Variants in TMEM132B observed in about 807,000 individuals in gnomAD.
TMEM132B encodes the protein transmembrane protein 132B.
In TMEM132B, 18 loss-of-function variants were observed where a neutral mutation model predicts 90.8. The ratio of observed to expected loss-of-function variants is 0.20; its 90% CI spans 0.14 to 0.29. TMEM132B has a LOEUF of 0.29. Among genes scored for constraint, TMEM132B ranks in the 10% least tolerant of loss-of-function variants. TMEM132B has a pLI of 1.00. For missense variants in TMEM132B, 1,096 were observed against 1,326.8 expected (o/e 0.83, Z 2.70); for synonymous variants, 504 against 523.3 (o/e 0.96, Z 0.50).
chr12:125,625,643 G>A (rs1886216321), intron 5 of TMEM132B, among the ~76,000 whole-genome samples: 1 of 152,144 alleles, frequency 6.6e-6, no homozygotes, highest in Non-Finnish European at 1.5e-5. Context: ...GAATTTTTGT[G>A]CAAACGTGTT....
chr12:125,294,663 C>A (rs890266299), intron 1 of TMEM132B, among the ~76,000 whole-genome samples: 1 of 152,194 alleles, frequency 6.6e-6, no homozygotes, highest in African/African-American at 2.4e-5. Context: ...ACCATACAAA[C>A]GTGGAAATTG....
intron 1 of TMEM132B, among the ~76,000 whole-genome samples, chr12:125,247,445 TG>T (rs1874229157): frequency 2.0e-5 from 3 of 152,168 alleles, no homozygotes; most frequent in African/African-American, 7.2e-5. Context: ...CCATCTTTGA[TG>T]CCCCTGCCAG....
rs1288975420 is a variant in TMEM132B, at chr12:125,246,458, GC to G, written c.67+59594del. Among the ~76,000 whole-genome samples the G allele has an allele frequency of 6.6e-6, 1 of 152,322 alleles. No individual in the cohort carries two copies. Among genetic ancestry groups the G allele is most frequent in the African/African-American group, 2.4e-5 (1 of 41,580 alleles). ...ATTAACATGCTGTCCCCACTCAGAT[GC>G]CTTGTTTCGAAACAGCGTGCCGGTG... is the stretch of plus-strand genomic sequence containing the variant. On this transcript the variant is annotated intron_variant, in intron 1 of 8. Transcript: ENST00000682704. This position sits in a 1 kb window ranked among gnomAD's most constrained non-coding sequence, Gnocchi z 4.2.
rs1461944765 is a variant in TMEM132B at position 125,246,472 on chromosome 12, C to G, written c.67+59606C>G. On this transcript the variant is annotated intron_variant, in intron 1 of 8. Transcript: ENST00000682704. The surrounding 1 kb of genome is among the most constrained non-coding windows in gnomAD (Gnocchi z 4.2). ...CCCACTCAGATGCCTTGTTTCGAAACAGCGTGCCGGTGTTATGATTGTGAT... is the reference window on the plus strand; with the variant it reads ...CCCACTCAGATGCCTTGTTTCGAAAGAGCGTGCCGGTGTTATGATTGTGAT... Among the ~76,000 whole-genome samples, 3 of 152,350 alleles carry G rather than the reference C, an allele frequency of 2.0e-5. No individual in the cohort carries two copies. Among genetic ancestry groups the G allele is most frequent in the East Asian group, 1.9e-4 (1 of 5,186 alleles).
At position 125,407,581 on chromosome 12, in the gene TMEM132B, A is replaced by G. The variant is rs1007818792; in HGVS notation, c.960-7950A>G. ...CAGTTGTCTTTCTTTTGACTTATCTACAGCAGCTAGAATGTCTCTCTCCCT... is the reference window on the plus strand; with the variant it reads ...CAGTTGTCTTTCTTTTGACTTATCTGCAGCAGCTAGAATGTCTCTCTCCCT... On this transcript the variant is annotated intron_variant, in intron 2 of 8. Coordinates refer to ENST00000682704, the MANE Select transcript of TMEM132B (RefSeq NM_001366854.1). The surrounding 1 kb of genome is among the most constrained non-coding windows in gnomAD (Gnocchi z 6.7). Among the ~76,000 whole-genome samples the G allele has an allele frequency of 6.6e-6, 1 of 152,160 alleles. No homozygotes were observed. The highest frequency in any genetic ancestry group is 2.4e-5 in the African/African-American group (1 of 41,428).
intron 1 of TMEM132B, among the ~76,000 whole-genome samples, chr12:125,259,774 T>C (rs1874519342): frequency 6.6e-6 from 1 of 152,168 alleles, no homozygotes; most frequent in Non-Finnish European, 1.5e-5. Flanking sequence ...GACTTAATGC[T>C]GCGGTTAAGG....
chr12:125,299,685 C>A (rs1565996359), intron 1 of TMEM132B, among the ~76,000 whole-genome samples: 1 of 152,224 alleles, frequency 6.6e-6, no homozygotes, highest in Non-Finnish European at 1.5e-5. Flanking sequence ...CTTTTCCAGA[C>A]GCATGTCACC....
At position 125,474,086 on chromosome 12, in the gene TMEM132B, CTT is replaced by C. The variant is rs138060559; in HGVS notation, c.1107-45351_1107-45350del. Reference sequence around the variant, plus strand: ...CTTTCCTTTCCTTTCCTTTCCTTTCCTTTCCTTTCCTTCCTTTCTTCCGTCTT... The same window carrying C: ...CTTTCCTTTCCTTTCCTTTCCTTTCCTCCTTTCCTTCCTTTCTTCCGTCTT... On this transcript the variant is annotated intron_variant, in intron 3 of 8. Transcript: ENST00000682704. 3.0e-4 allele frequency among the ~76,000 whole-genome samples: 35 copies of C among 116,382 alleles called. 1 individual carries two copies. The highest frequency in any genetic ancestry group is 1.3e-3 in the African/African-American group (34 of 27,112). 76.4% of individuals were successfully genotyped at this position (116,382 alleles called of 152,430 possible).
intron 4 of TMEM132B, among the ~76,000 whole-genome samples, chr12:125,523,591 G>C (rs927026135): frequency 4.6e-5 from 7 of 152,180 alleles, no homozygotes; most frequent in Admixed American, 2.6e-4. Flanking sequence ...GACATCTCTG[G>C]AGGGGGCTGT....
At chr12:125,328,552 G>A (rs1876662066) in intron 1 of TMEM132B, among the ~76,000 whole-genome samples, 1 of 152,128 alleles carries the variant, frequency 6.6e-6, no homozygotes, top group Non-Finnish European at 1.5e-5. Context: ...GCTTCTGGTG[G>A]CTCCAGGCAT....
chr12:125,361,664 A>G (rs1167541558), intron 2 of TMEM132B, among the ~76,000 whole-genome samples: 1 of 152,182 alleles, frequency 6.6e-6, no homozygotes, highest in Non-Finnish European at 1.5e-5. Context: ...TCCCAAGCTA[A>G]CTGTCACCTG....
chr12:125,209,363 C>T lies in TMEM132B; in HGVS notation c.67+22497C>T, dbSNP rs904772405. On this transcript the variant is annotated intron_variant, in intron 1 of 8. Coordinates refer to ENST00000682704, the MANE Select transcript of TMEM132B (RefSeq NM_001366854.1). The surrounding 1 kb of genome is among the most constrained non-coding windows in gnomAD (Gnocchi z 4.4). Reference sequence around the variant, plus strand: ...CAGTGGGCTTGCTGTGTACCTTTGTCCCAGCCTGGGACAGCAGACGCTAGC... The same window carrying T: ...CAGTGGGCTTGCTGTGTACCTTTGTTCCAGCCTGGGACAGCAGACGCTAGC... Among the ~76,000 whole-genome samples, 1 of 152,182 alleles carries T rather than the reference C, an allele frequency of 6.6e-6. No homozygotes were observed. The highest frequency in any genetic ancestry group is 6.5e-5 in the Admixed American group (1 of 15,286).
chr12:125,281,256 C>CG, intron 1 of TMEM132B, among the ~76,000 whole-genome samples: 1 of 152,042 alleles, frequency 6.6e-6, no homozygotes, highest in Admixed American at 6.5e-5. Context: ...CAGGGAAGCC[C>CG]GGGGACTGGG....
chr12:125,207,135 T>A (rs1303926058), intron 1 of TMEM132B, among the ~76,000 whole-genome samples: 1 of 152,258 alleles, frequency 6.6e-6, no homozygotes, highest in Non-Finnish European at 1.5e-5. Flanking sequence ...TTAATAACTT[T>A]TGAGCCAATA....
At chr12:125,215,272 C>T (rs1291015307) in intron 1 of TMEM132B, among the ~76,000 whole-genome samples, 1 of 152,210 alleles carries the variant, frequency 6.6e-6, no homozygotes, top group Non-Finnish European at 1.5e-5. Flanking sequence ...TCAAATGACA[C>T]AAATTTATTA....
At chr12:125,619,195 C>T (rs755470207) in intron 5 of TMEM132B, among the ~76,000 whole-genome samples, 1 of 152,110 alleles carries the variant, frequency 6.6e-6, no homozygotes, top group Non-Finnish European at 1.5e-5. Context: ...GATTGGTACT[C>T]GGAATCTCTG....
At position 125,654,236 on chromosome 12, in the gene TMEM132B, G is replaced by A. The variant is rs374603554; in HGVS notation, c.2778G>A (p.Ala926=). Residue 926 remains alanine (A), a synonymous_variant, in exon 9 of 9, where the codon GCG becomes GCA. Coordinates refer to ENST00000682704, the MANE Select transcript of TMEM132B (RefSeq NM_001366854.1). This position sits in a 1 kb window ranked among gnomAD's most constrained non-coding sequence, Gnocchi z 5.8. ...AILVFLINCV[A]FAWKYRHKRF... ...TGGTCTTCTTGATCAACTGCGTGGCGTTTGCCTGGAAATACAGACACAAAA... is the reference window on the plus strand; with the variant it reads ...TGGTCTTCTTGATCAACTGCGTGGCATTTGCCTGGAAATACAGACACAAAA... 1.2e-3 allele frequency: 1,889 copies of A among 1,614,042 alleles called. 3 individuals are homozygous for A. The highest frequency in any genetic ancestry group is 1.5e-3 in the Non-Finnish European group (1,759 of 1,180,060).
intron 5 of TMEM132B, chr12:125,587,243 A>T (rs1885203972): frequency 6.7e-6 from 1 of 150,232 alleles, no homozygotes; most frequent in African/African-American, 2.4e-5. Context: ...GCGCACACAC[A>T]CAAGAAGCCT....
At chr12:125,596,447 A>G (rs1328060570) in intron 5 of TMEM132B, among the ~76,000 whole-genome samples, 1 of 152,218 alleles carries the variant, frequency 6.6e-6, no homozygotes, top group Non-Finnish European at 1.5e-5. Flanking sequence ...TACATTTTCT[A>G]AACTGCTCTT....
Sources: allele counts gnomAD v4.1 joint callset (sites outside exome capture counted in the v4.1 genomes callset), GRCh38; gene constraint gnomAD v4.1.1; non-coding constraint Gnocchi (gnomAD v3.1); transcripts MANE v1.5; gene names NCBI Gene and HGNC (gene_info 2026-07-23, HGNC 2026-07-21).